EBF2: variants seen among roughly 807,000 people sequenced by gnomAD.
The protein encoded by EBF2 is EBF transcription factor 2.
Under a neutral mutation model 72.8 loss-of-function variants are expected in EBF2, and 21 were observed. The observed-to-expected ratio is 0.29, with a 90% CI of 0.20 to 0.42. The LOEUF (loss-of-function observed/expected upper bound fraction) is 0.42. EBF2 is among the 10% of genes least tolerant of loss of function. The pLI, the probability that EBF2 is intolerant of heterozygous loss-of-function variation, is 1.00. For synonymous variants in EBF2, 299 were observed against 274.2 expected, an observed-to-expected ratio of 1.09 and a Z score of -0.89; for missense variants, 637 against 731.2, an observed-to-expected ratio of 0.87 and a Z score of 1.49.
At chr8:26,017,448 G>T (rs2117240711) in intron 6 of EBF2, among the ~76,000 whole-genome samples, 1 of 152,184 alleles carries the variant, frequency 6.6e-6, no homozygotes, top group Middle Eastern at 3.4e-3. Flanking sequence ...AGAGCAAAGG[G>T]GCTGTTCCTA....
intron 6 of EBF2, among the ~76,000 whole-genome samples, chr8:25,929,760 T>C (rs1421262697): frequency 6.6e-6 from 1 of 152,174 alleles, no homozygotes; most frequent in African/African-American, 2.4e-5. Context: ...CACAGTCTTG[T>C]TCTTCACACA....
intron 14 of EBF2, among the ~76,000 whole-genome samples, chr8:25,853,906 C>G (rs73677224): frequency 0.027 from 4,068 of 151,928 alleles, 159 homozygotes; most frequent in Admixed American, 0.096. Context: ...AATAGCAAAA[C>G]TCTAGAAGGA....
At chr8:25,999,601 T>C (rs1265625453) in intron 6 of EBF2, among the ~76,000 whole-genome samples, 1 of 152,068 alleles carries the variant, frequency 6.6e-6, no homozygotes, top group Non-Finnish European at 1.5e-5. Context: ...TGTCTTCTGC[T>C]TTCTTTCATG....
At chr8:25,863,128 TTC>T (rs1206490848) in intron 10 of EBF2, among the ~76,000 whole-genome samples, 1 of 151,884 alleles carries the variant, frequency 6.6e-6, no homozygotes, top group African/African-American at 2.4e-5. Flanking sequence ...TTATTTTCCT[TTC>T]TCTTATCTCT....
intron 7 of EBF2, among the ~76,000 whole-genome samples, chr8:25,892,563 T>C (rs1453497017): frequency 6.6e-6 from 1 of 152,206 alleles, no homozygotes; most frequent in African/African-American, 2.4e-5. Context: ...GCAATACTCT[T>C]CTGATTTTTT....
chr8:26,035,024 C>T (rs1426017161), intron 5 of EBF2, among the ~76,000 whole-genome samples: 1 of 152,224 alleles, frequency 6.6e-6, no homozygotes, highest in East Asian at 1.9e-4. Flanking sequence ...TCTTCTAGGT[C>T]TAAGTCCATG....
rs759150730 is a variant in EBF2 at position 25,850,625 on chromosome 8, G to C, written c.1665C>G (p.Ala555=). Residue 555 remains alanine, a synonymous_variant, in exon 15 of 16, where the codon GCC becomes GCG. Transcript: ENST00000520164. ...ATCCATTTCCATTGCCGCTGGAGCA[G>C]GCAGGTGAAGGGGAGCCTTGGGGCC... The part of the protein sequence containing the change: ...VIRPQGSPSP[A]CSSGNGNGFR... The C allele has an allele frequency of 5.8e-6, 9 of 1,564,210 alleles. No homozygotes were observed. The highest frequency in any genetic ancestry group is 2.4e-5 in the South Asian group (2 of 83,468).
At chr8:25,891,259 T>TA (rs1802774476) in intron 7 of EBF2, among the ~76,000 whole-genome samples, 1 of 152,114 alleles carries the variant, frequency 6.6e-6, no homozygotes, top group Non-Finnish European at 1.5e-5. Flanking sequence ...TGGCCAAGCA[T>TA]AGCAGAAGGG....
intron 6 of EBF2, among the ~76,000 whole-genome samples, chr8:25,980,018 C>A (rs747955584): frequency 6.6e-6 from 1 of 152,126 alleles, no homozygotes; most frequent in Non-Finnish European, 1.5e-5. Flanking sequence ...TCATTCTGTG[C>A]TGGACTCACA....
At chr8:25,888,865 A>G (rs1173421260) in intron 8 of EBF2, among the ~76,000 whole-genome samples, 1 of 152,208 alleles carries the variant, frequency 6.6e-6, no homozygotes, top group Admixed American at 6.5e-5. Context: ...AGTCAATCAC[A>G]TCCAATCAGT....
chr8:25,948,357 T>C (rs891928599), intron 6 of EBF2, among the ~76,000 whole-genome samples: 3 of 152,196 alleles, frequency 2.0e-5, no homozygotes, highest in African/African-American at 7.2e-5. Context: ...TCTATGGCTT[T>C]GAGCTTAGGT....
At chr8:26,005,683 A>T (rs907214876) in intron 6 of EBF2, among the ~76,000 whole-genome samples, 3 of 146,702 alleles carry the variant, frequency 2.0e-5, no homozygotes, top group Non-Finnish European at 4.5e-5. Context: ...AATTAAAAAT[A>T]AGCTGGGCAT....
intron 10 of EBF2, among the ~76,000 whole-genome samples, chr8:25,871,504 C>T (rs1490783535): frequency 6.6e-6 from 1 of 152,012 alleles, no homozygotes; most frequent in Admixed American, 6.6e-5. Context: ...AGGTCATAGC[C>T]CCACTGAAAT....
intron 6 of EBF2, among the ~76,000 whole-genome samples, chr8:25,963,501 G>A (rs1174634604): frequency 6.6e-6 from 1 of 152,146 alleles, no homozygotes. Flanking sequence ...GTCCTTGTAG[G>A]ACCTTCCAAA....
At chr8:25,862,038 G>A (rs894440739) in intron 11 of EBF2, among the ~76,000 whole-genome samples, 1 of 152,160 alleles carries the variant, frequency 6.6e-6, no homozygotes, top group Non-Finnish European at 1.5e-5. Flanking sequence ...ATAAAGGTGT[G>A]ATGTAGAAGC....
chr8:25,917,406 T>A (rs1175951710), intron 6 of EBF2, among the ~76,000 whole-genome samples: 1 of 152,172 alleles, frequency 6.6e-6, no homozygotes, highest in Non-Finnish European at 1.5e-5. Context: ...ACTAAGAGCA[T>A]GTTTGTAATT....
chr8:25,960,308 A>G (rs535817401), intron 6 of EBF2, among the ~76,000 whole-genome samples: 17 of 152,366 alleles, frequency 1.1e-4, no homozygotes, highest in African/African-American at 3.6e-4. Flanking sequence ...AGAACCAATT[A>G]TGCCCTCAGG....
intron 6 of EBF2, among the ~76,000 whole-genome samples, chr8:25,914,111 G>A (rs1469482507): frequency 1.3e-5 from 2 of 152,128 alleles, no homozygotes; most frequent in Non-Finnish European, 2.9e-5. Flanking sequence ...TCTCACACCA[G>A]ACTGAGAAGC....
At chr8:25,893,784 C>A (rs183633577) in intron 7 of EBF2, among the ~76,000 whole-genome samples, 2 of 152,322 alleles carry the variant, frequency 1.3e-5, no homozygotes, top group African/African-American at 4.8e-5. Flanking sequence ...TCATCATTGT[C>A]CATTTGGGTG....
Sources: allele counts gnomAD v4.1 joint callset (sites outside exome capture counted in the v4.1 genomes callset), GRCh38; gene constraint gnomAD v4.1.1; transcripts MANE v1.5; gene names NCBI Gene and HGNC (gene_info 2026-07-23, HGNC 2026-07-21).